The following CFAP184 variants were observed in gnomAD, a reference collection of about 807,000 sequenced individuals.
CFAP184 encodes the protein cilia and flagella associated protein 184.
the CFAP184 span, chr4:7,042,205 T>C: frequency 1.3e-6 from 2 of 1,598,524 alleles, no homozygotes; most frequent in Non-Finnish European, 8.5e-7. Flanking sequence ...GTATAGGTTG[T>C]AGCGCTGGGA....
At chr4:7,041,085 C>T in the CFAP184 span, 9 of 815,696 alleles carry the variant, frequency 1.1e-5, no homozygotes, top group South Asian at 2.4e-4. Context: ...TGCTCAATCC[C>T]AGATAAAACT....
At chr4:7,042,033 C>A in the CFAP184 span, 1 of 1,611,658 alleles carries the variant, frequency 6.2e-7, no homozygotes, top group African/African-American at 1.3e-5. Context: ...GGTACCACTG[C>A]AGGTCGTCTG....
the CFAP184 span, chr4:7,042,615 G>T: frequency 2.0e-6 from 3 of 1,508,670 alleles, no homozygotes; most frequent in East Asian, 2.4e-5. Context: ...CCGGCTGGGC[G>T]GGCTCCTCAG....
chr4:7,042,875 C>A, the CFAP184 span: 2 of 1,561,700 alleles, frequency 1.3e-6, no homozygotes, highest in South Asian at 1.2e-5. Context: ...GGCCGCGCGG[C>A]CAGGCTTTCC....
the CFAP184 span, chr4:7,042,599 C>T: frequency 6.5e-7 from 1 of 1,528,608 alleles, no homozygotes; most frequent in Non-Finnish European, 8.7e-7. Flanking sequence ...GGCCCGGCTC[C>T]GGGCTCCGGC....
chr4:7,041,428 T>G, the CFAP184 span: 2 of 1,614,228 alleles, frequency 1.2e-6, no homozygotes, highest in Non-Finnish European at 8.5e-7. Flanking sequence ...AAGTGAGTCC[T>G]TGCCTAGAAG....
At chr4:7,042,437 C>T in the CFAP184 span, 1 of 1,611,744 alleles carries the variant, frequency 6.2e-7, no homozygotes, top group Non-Finnish European at 8.5e-7. Context: ...TCCTCTTCCT[C>T]CCCCTCCACC....
chr4:7,041,548 A>G, the CFAP184 span: 1 of 1,614,242 alleles, frequency 6.2e-7, no homozygotes, highest in South Asian at 1.1e-5. Flanking sequence ...GATTTCTGCC[A>G]GCTGTGTCTT....
At chr4:7,042,365 C>T in the CFAP184 span, 2 of 1,610,226 alleles carry the variant, frequency 1.2e-6, no homozygotes, top group Admixed American at 1.7e-5. Flanking sequence ...TGGCTTTTGG[C>T]CGGGCGTCCT....
At chr4:7,042,224 G>A in the CFAP184 span, 4 of 1,597,792 alleles carry the variant, frequency 2.5e-6, no homozygotes, top group South Asian at 1.1e-5. Flanking sequence ...GAGCGGTTCC[G>A]CTCCACCAGC....
At chr4:7,042,605 C>T in the CFAP184 span, 3 of 1,522,198 alleles carry the variant, frequency 2.0e-6, no homozygotes, top group African/African-American at 4.2e-5. Context: ...GCTCCGGGCT[C>T]CGGCTGGGCG....
chr4:7,041,576 T>C, the CFAP184 span: 1 of 1,614,252 alleles, frequency 6.2e-7, no homozygotes, highest in Non-Finnish European at 8.5e-7. Flanking sequence ...GCGTTCTCCA[T>C]GTCCATGAAG....
chr4:7,042,966 A>C, the CFAP184 span: 1 of 1,395,652 alleles, frequency 7.2e-7, no homozygotes, highest in Non-Finnish European at 9.3e-7. Flanking sequence ...AGCGCAGCGG[A>C]CCCCGGCAGG....
At chr4:7,041,556 C>T in the CFAP184 span, 1 of 1,614,264 alleles carries the variant, frequency 6.2e-7, no homozygotes, top group Admixed American at 1.7e-5. Flanking sequence ...CCAGCTGTGT[C>T]TTTTTGCACG....
the CFAP184 span, chr4:7,042,501 C>T: frequency 5.0e-6 from 8 of 1,609,596 alleles, no homozygotes; most frequent in South Asian, 6.6e-5. Flanking sequence ...CGATCCTGGT[C>T]AGCGGCAGAG....
At chr4:7,042,514 G>T in the CFAP184 span, 1 of 1,605,426 alleles carries the variant, frequency 6.2e-7, no homozygotes. Context: ...CGGCAGAGAG[G>T]CCTGGAACCT....
the CFAP184 span, chr4:7,041,502 G>A: frequency 6.8e-6 from 11 of 1,614,114 alleles, no homozygotes; most frequent in African/African-American, 1.5e-4. Context: ...GCTTCGTCTT[G>A]GTCAGGATGT....
chr4:7,041,494 T>C, the CFAP184 span: 1 of 1,614,234 alleles, frequency 6.2e-7, no homozygotes, highest in Non-Finnish European at 8.5e-7. Flanking sequence ...TCGGGCTTGC[T>C]TCGTCTTGGT....
chr4:7,042,218 G>C, the CFAP184 span: 1 of 1,597,366 alleles, frequency 6.3e-7, no homozygotes, highest in African/African-American at 1.3e-5. Context: ...CGCTGGGAGC[G>C]GTTCCGCTCC....
Sources: allele counts gnomAD v4.1 joint callset, GRCh38; gene constraint gnomAD v4.1.1; transcripts MANE v1.5; gene names NCBI Gene and HGNC (gene_info 2026-07-23, HGNC 2026-07-21).